CNTNAP2: variants seen among roughly 807,000 people sequenced by gnomAD.
CNTNAP2 encodes the protein contactin associated protein 2, also known as contactin-associated protein-like 2.
A neutral mutation model predicts 155.2 loss-of-function variants in CNTNAP2; 98 were observed. The ratio of observed to expected loss-of-function variants is 0.63; its 90% confidence interval spans 0.54 to 0.75. The LOEUF is 0.75. Ranked by LOEUF, CNTNAP2 falls within the 30% of genes least tolerant of loss-of-function variation. The pLI, the probability that CNTNAP2 is intolerant of heterozygous loss-of-function variation, is 0.00. For missense variants in CNTNAP2, 1,727 were observed against 1,688.1 expected (o/e 1.02, Z -0.40); for synonymous variants, 651 against 631.2 (o/e 1.03, Z -0.47).
chr7:146,146,615 C>T (rs570658511), intron 1 of CNTNAP2, among the ~76,000 whole-genome samples: 1 of 151,980 alleles, frequency 6.6e-6, no homozygotes, highest in African/African-American at 2.4e-5. Flanking sequence ...GACCACCAGG[C>T]TAAGACATTG....
At chr7:147,325,655 A>G (rs1795441266) in intron 9 of CNTNAP2, among the ~76,000 whole-genome samples, 1 of 152,236 alleles carries the variant, frequency 6.6e-6, no homozygotes, top group African/African-American at 2.4e-5. Flanking sequence ...GTGGGAAAAA[A>G]TATGTTAGTC....
intron 15 of CNTNAP2, among the ~76,000 whole-genome samples, chr7:148,073,296 C>T (rs1308624315): frequency 6.6e-6 from 1 of 152,148 alleles, no homozygotes; most frequent in East Asian, 1.9e-4. Flanking sequence ...AACCATAATA[C>T]CGTGGTCTTC....
At chr7:148,035,295 C>A (rs376139187) in intron 15 of CNTNAP2, among the ~76,000 whole-genome samples, 2 of 152,118 alleles carry the variant, frequency 1.3e-5, no homozygotes, top group Admixed American at 6.5e-5. Context: ...GAGAATTACC[C>A]GAAGGTGTTT....
intron 14 of CNTNAP2, among the ~76,000 whole-genome samples, chr7:147,916,640 A>G (rs1374582764): frequency 6.7e-6 from 1 of 150,284 alleles, no homozygotes; most frequent in Non-Finnish European, 1.5e-5. Context: ...ATTTCTCTCC[A>G]CTTGCTTGAA....
chr7:147,200,618 C>T (rs1217175417), intron 8 of CNTNAP2, among the ~76,000 whole-genome samples: 2 of 152,154 alleles, frequency 1.3e-5, no homozygotes, highest in Non-Finnish European at 2.9e-5. Context: ...TTCTACCTTC[C>T]AAAGTGGTTC....
chr7:146,721,628 C>T (rs866003928), intron 1 of CNTNAP2, among the ~76,000 whole-genome samples: 72 of 86,336 alleles, frequency 8.3e-4, no homozygotes, highest in African/African-American at 3.0e-3. Flanking sequence ...ATTCTATATA[C>T]ATTCTATATA....
At chr7:146,582,269 A>G (rs1022609905) in intron 1 of CNTNAP2, among the ~76,000 whole-genome samples, 2 of 152,158 alleles carry the variant, frequency 1.3e-5, no homozygotes, top group African/African-American at 4.8e-5. Flanking sequence ...TTGCATGCAT[A>G]TAGAATCACA....
At chr7:147,735,401 T>A (rs1796823677) in intron 13 of CNTNAP2, among the ~76,000 whole-genome samples, 1 of 152,224 alleles carries the variant, frequency 6.6e-6, no homozygotes, top group Non-Finnish European at 1.5e-5. Flanking sequence ...TTATTATAAT[T>A]TCTGTTCTTT....
chr7:148,323,714 G>C (rs562842312), intron 21 of CNTNAP2, among the ~76,000 whole-genome samples: 2 of 152,116 alleles, frequency 1.3e-5, no homozygotes, highest in East Asian at 3.9e-4. Flanking sequence ...GTGAACTCTT[G>C]AAAACACTAA....
chr7:148,315,681 A>G (rs1797675155), intron 21 of CNTNAP2, among the ~76,000 whole-genome samples: 1 of 152,202 alleles, frequency 6.6e-6, no homozygotes. Flanking sequence ...AGAAACATTT[A>G]TGGATTATAT....
At chr7:147,253,941 G>T (rs1447553073) in intron 8 of CNTNAP2, among the ~76,000 whole-genome samples, 1 of 152,148 alleles carries the variant, frequency 6.6e-6, no homozygotes, top group Non-Finnish European at 1.5e-5. Flanking sequence ...GCCCTCTTTT[G>T]TAAGTAACTT....
chr7:146,599,020 T>C (rs1282830524), intron 1 of CNTNAP2, among the ~76,000 whole-genome samples: 1 of 152,048 alleles, frequency 6.6e-6, no homozygotes, highest in Non-Finnish European at 1.5e-5. Context: ...GTCAAAAATA[T>C]TGGAGTCAGT....
At chr7:147,795,417 A>G (rs1563092019) in intron 13 of CNTNAP2, among the ~76,000 whole-genome samples, 2 of 151,548 alleles carry the variant, frequency 1.3e-5, no homozygotes, top group African/African-American at 2.4e-5. Flanking sequence ...TTGTTTCTCA[A>G]TTGTTTTATT....
intron 1 of CNTNAP2, among the ~76,000 whole-genome samples, chr7:146,529,463 A>G (rs575248843): frequency 6.6e-6 from 1 of 152,308 alleles, no homozygotes; most frequent in African/African-American, 2.4e-5. Flanking sequence ...GATAATTCAG[A>G]GCTTTCATCT....
intron 1 of CNTNAP2, among the ~76,000 whole-genome samples, chr7:146,592,869 C>T (rs962800965): frequency 5.3e-5 from 8 of 152,054 alleles, no homozygotes; most frequent in East Asian, 1.9e-4. Flanking sequence ...TGGACAGAAC[C>T]GCTACAGCTT....
chr7:146,213,043 G>A (rs1217717209), intron 1 of CNTNAP2, among the ~76,000 whole-genome samples: 1 of 152,086 alleles, frequency 6.6e-6, no homozygotes, highest in Non-Finnish European at 1.5e-5. Flanking sequence ...CTGTAGAAGT[G>A]TCCTTGGAAA....
In CNTNAP2 at chr7:147,864,576, C is replaced by T. The variant is rs185982862; in HGVS notation, c.2099-38989C>T. Among the ~76,000 whole-genome samples the T allele has an allele frequency of 7.9e-5, 12 of 152,192 alleles. No homozygotes were observed. In the East Asian group the frequency reaches 1.9e-3, roughly 24 times the overall value. Reference sequence around the variant, plus strand: ...TATCCATGAGCATGGAATGTTCTTCCATTTGTTTGTGTCCTCTTTTATTTC... The same window carrying T: ...TATCCATGAGCATGGAATGTTCTTCTATTTGTTTGTGTCCTCTTTTATTTC... On this transcript the variant is annotated intron_variant, in intron 13 of 23. Transcript: ENST00000361727.
intron 11 of CNTNAP2, among the ~76,000 whole-genome samples, chr7:147,501,969 T>C (rs1027286684): frequency 3.3e-5 from 5 of 152,122 alleles, no homozygotes; most frequent in Non-Finnish European, 5.9e-5. Flanking sequence ...CCACTTGTAA[T>C]AGTATCAAAA....
chr7:147,128,531 C>G (rs1801283614), intron 6 of CNTNAP2, among the ~76,000 whole-genome samples, 162 bp from the exon 7 acceptor site: 1 of 152,082 alleles, frequency 6.6e-6, no homozygotes, highest in Non-Finnish European at 1.5e-5. Context: ...GACACTTCAA[C>G]AACAACATAA....
Sources: gnomAD v4.1 joint callset for allele counts (sites outside exome capture counted in the v4.1 genomes callset) on GRCh38, gnomAD v4.1.1 for gene constraint, MANE v1.5 for transcripts, NCBI Gene and HGNC (gene_info 2026-07-23, HGNC 2026-07-21) for gene names.